Variants in ITPRID1 observed in about 807,000 individuals in gnomAD.
ITPRID1 encodes protein ITPRID1.
A neutral mutation model predicts 95.4 loss-of-function variants in ITPRID1; 96 were observed. The ratio of observed to expected loss-of-function variants is 1.01; its 90% CI spans 0.85 to 1.19. The LOEUF is 1.19. ITPRID1 is among the 50% of genes most tolerant of loss of function. The pLI, the probability that ITPRID1 is intolerant of heterozygous loss-of-function variation, is 0.00. For synonymous variants in ITPRID1, 510 were observed against 453.6 expected (o/e 1.12, Z -1.58); for missense variants, 1,339 against 1,252.9 (o/e 1.07, Z -1.04).
chr7:31,569,942 C>T lies in ITPRID1; in HGVS notation c.308+133C>T, dbSNP rs943694148. On this transcript the variant is annotated intron_variant, in intron 6 of 14. Transcript: ENST00000615280. ...TCTCGTGAAAGGTAACTGGTTTAGT[C>T]ACAGTGCCTAGAATGTTTACATCAG... 4.7e-6 allele frequency: 3 copies of T among 643,264 alleles called. No individual in the cohort carries two copies. In the African/African-American group the frequency reaches 5.6e-5, roughly 12 times the overall value. 39.8% of individuals were successfully genotyped at this position (643,264 alleles called of 1,614,324 possible).
intron 1 of ITPRID1, among the ~76,000 whole-genome samples, chr7:31,526,699 T>C (rs1038514541): frequency 6.6e-6 from 1 of 152,150 alleles, no homozygotes; most frequent in African/African-American, 2.4e-5. Flanking sequence ...TTTTGACCAT[T>C]GCGTCCCCCG....
intron 5 of ITPRID1, among the ~76,000 whole-genome samples, chr7:31,555,554 AC>A (rs1199994936): frequency 2.0e-5 from 3 of 149,686 alleles, no homozygotes; most frequent in African/African-American, 7.3e-5. Context: ...GAAAAAAAAA[AC>A]AAAACCTGGC....
intron 6 of ITPRID1, 98 bp from the exon 7 acceptor site, chr7:31,572,004 A>T: frequency 1.3e-6 from 1 of 750,018 alleles, no homozygotes; most frequent in South Asian, 1.7e-5. Flanking sequence ...ACTAAGAGGA[A>T]ATGCAAATGT....
chr7:31,578,220 A>C lies in ITPRID1; in HGVS notation c.956A>C (p.Gln319Pro). 1 of 1,613,710 alleles carries C rather than the reference A, an allele frequency of 6.2e-7. No individual in the cohort carries two copies. Among genetic ancestry groups the C allele is most frequent in the South Asian group, 1.1e-5 (1 of 91,052 alleles). The change falls in exon 9 of 15, where the codon CAA becomes CCA. Residue 319 changes from glutamine (Q) to proline (P), a missense_variant. Coordinates refer to ENST00000615280, the MANE Select transcript of ITPRID1 (RefSeq NM_001257967.3). Reference sequence around the variant, plus strand: ...CTGTCAGTAGAACATCAGTCTCTCCAAGCCTGTGATGATTTGCTACCTTAT... The same window carrying C: ...CTGTCAGTAGAACATCAGTCTCTCCCAGCCTGTGATGATTTGCTACCTTAT... Reference protein sequence around the residue: ...LSLSVEHQSLQACDDLLPYPP... With the variant: ...LSLSVEHQSLPACDDLLPYPP...
At chr7:31,569,689 T>TG in intron 5 of ITPRID1, 69 bp from the exon 6 acceptor site, 1 of 1,381,064 alleles carries the variant, frequency 7.2e-7, no homozygotes, top group Non-Finnish European at 1.0e-6. Flanking sequence ...TGGTTTCATT[T>TG]GGGGTTGAGA....
intron 10 of ITPRID1, among the ~76,000 whole-genome samples, chr7:31,614,182 A>G (rs1562608924): frequency 1.3e-5 from 2 of 152,206 alleles, no homozygotes; most frequent in South Asian, 2.1e-4. Flanking sequence ...TCCAATGCTT[A>G]AAATACCTAT....
chr7:31,569,509 C>T (rs958835750), intron 5 of ITPRID1, among the ~76,000 whole-genome samples: 24 of 152,230 alleles, frequency 1.6e-4, no homozygotes, highest in African/African-American at 5.8e-4. Context: ...CTCCATGAAA[C>T]CTTTGCTGAA....
At chr7:31,524,045 A>G (rs905764721) in intron 1 of ITPRID1, among the ~76,000 whole-genome samples, 15 of 152,354 alleles carry the variant, frequency 9.8e-5, no homozygotes, top group Middle Eastern at 3.4e-3. Context: ...CAGGAAATCC[A>G]TGGAAGAAAA....
chr7:31,603,456 T>C (rs1786484823), intron 10 of ITPRID1, among the ~76,000 whole-genome samples: 3 of 145,858 alleles, frequency 2.1e-5, no homozygotes, highest in African/African-American at 7.4e-5. Flanking sequence ...CAGCCGGCAA[T>C]CAGTACTTTT....
chr7:31,572,122 A>G lies in ITPRID1; in HGVS notation c.329A>G (p.Glu110Gly). The change falls in exon 7 of 15, where the codon GAA becomes GGA. Residue 110 changes from glutamate to glycine, a missense_variant. Glu to Gly is a moderately conservative substitution (Grantham distance 98). Transcript: ENST00000615280. ...TGTAGATCTTTGCATCAGTTTTCAG[A>G]AACTCCCATCCTATCCAGAGGGACC... is the stretch of plus-strand genomic sequence containing the variant. The part of the protein sequence containing the change: ...DYMRSLHQFS[E>G]TPILSRGTSF... The G allele has an allele frequency of 6.2e-7, 1 of 1,610,436 alleles. No individual in the cohort carries two copies. The highest frequency in any genetic ancestry group is 8.5e-7 in the Non-Finnish European group (1 of 1,177,224).
At chr7:31,579,213 G>A (rs1364037520) in intron 9 of ITPRID1, among the ~76,000 whole-genome samples, 1 of 151,660 alleles carries the variant, frequency 6.6e-6, no homozygotes, top group Non-Finnish European at 1.5e-5. Context: ...ACGTATACAT[G>A]TCCACTCATC....
chr7:31,648,570 A>G (rs1324676344), intron 12 of ITPRID1, among the ~76,000 whole-genome samples: 2 of 152,158 alleles, frequency 1.3e-5, no homozygotes, highest in Admixed American at 1.3e-4. Flanking sequence ...AAACCAAAAC[A>G]CCCCAGTCTT....
chr7:31,549,140 G>C (rs1784199075), intron 1 of ITPRID1, among the ~76,000 whole-genome samples: 2 of 152,118 alleles, frequency 1.3e-5, no homozygotes, highest in Admixed American at 1.3e-4. Context: ...AATCAGAAAT[G>C]GTGGCCAAGG....
At chr7:31,612,360 T>C (rs1786909147) in intron 10 of ITPRID1, among the ~76,000 whole-genome samples, 1 of 152,082 alleles carries the variant, frequency 6.6e-6, no homozygotes, top group Non-Finnish European at 1.5e-5. Context: ...TGATTGGCTT[T>C]TGTTTTGTTT....
intron 1 of ITPRID1, among the ~76,000 whole-genome samples, chr7:31,528,255 T>G (rs73083431): frequency 0.13 from 20,173 of 152,098 alleles, 1,777 homozygotes; most frequent in Non-Finnish European, 0.19. Context: ...TAATTGAGGT[T>G]GTTTATGTGT....
At chr7:31,568,130 A>AAT (rs1784864684) in intron 5 of ITPRID1, among the ~76,000 whole-genome samples, 1 of 151,688 alleles carries the variant, frequency 6.6e-6, no homozygotes, top group Non-Finnish European at 1.5e-5. Flanking sequence ...CTGAAAAAAA[A>AAT]AAAAAATCAC....
chr7:31,570,523 A>G (rs6949460), intron 6 of ITPRID1, among the ~76,000 whole-genome samples: 138 of 152,294 alleles, frequency 9.1e-4, no homozygotes, highest in Middle Eastern at 3.4e-3. Flanking sequence ...CGTAAACCAA[A>G]TCTGCAGTAC....
At position 31,624,869 on chromosome 7, in the gene ITPRID1, T is replaced by C. The variant is rs1269698278; in HGVS notation, c.1229-17307T>C. On this transcript the variant is annotated intron_variant, in intron 10 of 14. Coordinates refer to ENST00000615280, the MANE Select transcript of ITPRID1 (RefSeq NM_001257967.3). ...AATGGGAAAAAATTTTCGCAACCTA[T>C]TCATCTGACAAAGGGCTAATATCCA... is the stretch of plus-strand genomic sequence containing the variant. Among the ~76,000 whole-genome samples the C allele has an allele frequency of 2.0e-4, 31 of 152,160 alleles. No individual in the cohort carries two copies. In the South Asian group the frequency reaches 4.0e-3, roughly 19 times the overall value.
chr7:31,574,586 C>T lies in ITPRID1; in HGVS notation c.442C>T (p.Leu148Phe), dbSNP rs1352603919. The change falls in exon 8 of 15, where the codon CTC becomes TTC. Residue 148 changes from leucine (L) to phenylalanine (F), a missense_variant. Coordinates refer to ENST00000615280, the MANE Select transcript of ITPRID1 (RefSeq NM_001257967.3). Reference sequence around the variant, plus strand: ...TTGGGAGATAGATCCAGTGGAGATTCTCTTGGATCTGGGGTTTGGTGCTGA... The same window carrying T: ...TTGGGAGATAGATCCAGTGGAGATTTTCTTGGATCTGGGGTTTGGTGCTGA... ...EFWEIDPVEILLDLGFGADEP... is the reference protein window; with the variant it reads ...EFWEIDPVEIFLDLGFGADEP... 6.8e-6 allele frequency: 11 copies of T among 1,613,782 alleles called. No homozygotes were observed. The highest frequency in any genetic ancestry group is 1.7e-5 in the Admixed American group (1 of 59,992).
Sources: allele counts gnomAD v4.1 joint callset (sites outside exome capture counted in the v4.1 genomes callset), GRCh38; gene constraint gnomAD v4.1.1; transcripts MANE v1.5; gene names NCBI Gene and HGNC (gene_info 2026-07-23, HGNC 2026-07-21).